Variants in MAP1B observed in about 807,000 individuals in gnomAD.
The protein encoded by MAP1B is microtubule-associated protein 1B.
In MAP1B, 12 loss-of-function variants were observed where a neutral mutation model predicts 176.1. The observed-to-expected ratio is 0.07, with a 90% CI of 0.04 to 0.11. The LOEUF (loss-of-function observed/expected upper bound fraction) is 0.11, where lower values mean the gene tolerates loss of function less well. Ranked by LOEUF, MAP1B falls within the 10% of genes least tolerant of loss-of-function variation. The pLI, the probability that MAP1B is intolerant of heterozygous loss-of-function variation, is 1.00. For synonymous variants in MAP1B, 1,044 were observed against 1,135.0 expected, an observed-to-expected ratio of 0.92 and a Z score of 1.61; for missense variants, 2,523 against 2,990.5, an observed-to-expected ratio of 0.84 and a Z score of 3.65.
rs1208003036 is a variant in MAP1B, at chr5:72,206,003, A to G, written c.*764A>G. 2 of 152,652 alleles carry G rather than the reference A, an allele frequency of 1.3e-5. No homozygotes were observed. The highest frequency in any genetic ancestry group is 2.9e-5 in the Non-Finnish European group (2 of 68,060). The allele number at this position is 152,652 out of a possible 1,614,324, so 9.5% of individuals were successfully genotyped here. On this transcript the variant is annotated 3_prime_UTR_variant, in exon 7 of 7. Coordinates refer to ENST00000296755, the MANE Select transcript of MAP1B (RefSeq NM_005909.5). ...CATGCAAGTGGTTTGGGCCCCATTC[A>G]GAACTCTCAGACTCTAAACACACAA...
intron 2 of MAP1B, among the ~76,000 whole-genome samples, chr5:72,120,637 A>G (rs1745511114): frequency 6.6e-6 from 1 of 151,924 alleles, no homozygotes; most frequent in African/African-American, 2.4e-5. Flanking sequence ...TGCATTAGCC[A>G]GGATGGTCTC....
intron 2 of MAP1B, among the ~76,000 whole-genome samples, chr5:72,131,877 C>A (rs1448912432): frequency 6.6e-6 from 1 of 152,192 alleles, no homozygotes. Context: ...GCCAACAGTA[C>A]GCAGCCTTCT....
chr5:72,120,851 A>G (rs1273525183), intron 2 of MAP1B, among the ~76,000 whole-genome samples: 4 of 152,144 alleles, frequency 2.6e-5, no homozygotes, highest in Non-Finnish European at 4.4e-5. Flanking sequence ...TTTGACTTGT[A>G]TATTTGGTGA....
In MAP1B at chr5:72,196,553, C is replaced by T; in HGVS notation, c.3198C>T (p.Thr1066=). The T allele has an allele frequency of 6.2e-7, 1 of 1,613,746 alleles. No individual in the cohort carries two copies. The highest frequency in any genetic ancestry group is 8.5e-7 in the Non-Finnish European group (1 of 1,180,028). Residue 1066 remains threonine (T), a synonymous_variant, in exon 5 of 7, where the codon ACC becomes ACT. Coordinates refer to ENST00000296755, the MANE Select transcript of MAP1B (RefSeq NM_005909.5). The surrounding 1 kb of genome is among the most constrained non-coding windows in gnomAD (Gnocchi z 5.3). The part of the protein sequence containing the change: ...GGAEEQYGFL[T]TPTKQLGAQS... ...CCGAGGAGCAGTATGGATTCCTCAC[C>T]ACACCAACCAAGCAACTAGGAGCCC... is the stretch of plus-strand genomic sequence containing the variant.
chr5:72,186,446 A>G lies in MAP1B; in HGVS notation c.370-168A>G, dbSNP rs1290183580. ...TGGATGATCCTACAGCCAGGGATCC[A>G]TTCAACCCTCCCGTGCTCTTCTGGC... On this transcript the variant is annotated intron_variant, in intron 3 of 6. Coordinates refer to ENST00000296755, the MANE Select transcript of MAP1B (RefSeq NM_005909.5). The surrounding 1 kb of genome is among the most constrained non-coding windows in gnomAD (Gnocchi z 4.3). Among the ~76,000 whole-genome samples the G allele has an allele frequency of 6.6e-6, 1 of 152,252 alleles. No homozygotes were observed. The highest frequency in any genetic ancestry group is 1.5e-5 in the Non-Finnish European group (1 of 68,048).
chr5:72,179,584 G>A, intron 2 of MAP1B: 1 of 983,866 alleles, frequency 1.0e-6, no homozygotes, highest in Non-Finnish European at 1.2e-6. Flanking sequence ...CCACGGGTAT[G>A]CCAGGGGTGG....
intron 2 of MAP1B, among the ~76,000 whole-genome samples, chr5:72,130,850 A>G (rs1327894097): frequency 6.6e-6 from 1 of 152,252 alleles, no homozygotes; most frequent in African/African-American, 2.4e-5. Flanking sequence ...GAAAAAAGTC[A>G]TTCAAATAAT....
At chr5:72,162,114 G>A (rs949088157) in intron 2 of MAP1B, among the ~76,000 whole-genome samples, 22 of 152,142 alleles carry the variant, frequency 1.4e-4, no homozygotes, top group African/African-American at 4.8e-4. Context: ...GACACATCAC[G>A]CCATGCCAGG....
intron 2 of MAP1B, among the ~76,000 whole-genome samples, chr5:72,151,014 A>G (rs2112165937): frequency 6.7e-6 from 1 of 149,892 alleles, no homozygotes; most frequent in East Asian, 2.0e-4. Context: ...CTATAAAGGA[A>G]TACCTGAGGC....
At chr5:72,173,619 A>C (rs1363722182) in intron 2 of MAP1B, among the ~76,000 whole-genome samples, 2 of 152,224 alleles carry the variant, frequency 1.3e-5, no homozygotes, top group Non-Finnish European at 2.9e-5. Flanking sequence ...TGCACAGGGC[A>C]CCTGGCACAC....
rs763700409 is a variant in MAP1B at position 72,205,069 on chromosome 5, T to C, written c.7252-15T>C. 1.5e-4 allele frequency: 233 copies of C among 1,584,956 alleles called. 1 individual carries two copies. The highest frequency in any genetic ancestry group is 2.0e-4 in the Non-Finnish European group (229 of 1,170,680). The stretch of plus-strand genomic sequence containing the variant: ...TCTGCCCTTAAATAGCTATTTTTTT[T>C]TTCTCTCCCTGCAGGTGACACTGAT... On this transcript the variant is annotated splice_polypyrimidine_tract_variant and intron_variant, in intron 6 of 6. Coordinates refer to ENST00000296755, the MANE Select transcript of MAP1B (RefSeq NM_005909.5).
At chr5:72,107,814 C>A in intron 1 of MAP1B, 99 bp downstream of exon 1, 1 of 1,232,112 alleles carries the variant, frequency 8.1e-7, no homozygotes, top group Non-Finnish European at 1.1e-6. Context: ...GCGCGCCCCG[C>A]ACCCATGCCT....
At chr5:72,185,987 C>T (rs2112216586) in intron 3 of MAP1B, among the ~76,000 whole-genome samples, 1 of 152,314 alleles carries the variant, frequency 6.6e-6, no homozygotes, top group South Asian at 2.1e-4. Context: ...AAACCATGTG[C>T]AATTATCTCA....
intron 5 of MAP1B, among the ~76,000 whole-genome samples, chr5:72,200,790 T>G (rs1747318263): frequency 1.3e-5 from 2 of 152,164 alleles, no homozygotes; most frequent in Non-Finnish European, 2.9e-5. Flanking sequence ...ACATCAAGAC[T>G]GGATCAACCA....
chr5:72,127,783 A>G (rs1270334905), intron 2 of MAP1B, among the ~76,000 whole-genome samples: 1 of 152,210 alleles, frequency 6.6e-6, no homozygotes, highest in Non-Finnish European at 1.5e-5. Context: ...AGAGTTGCCA[A>G]TAATCCCTCG....
chr5:72,166,578 G>A (rs1746433854), intron 2 of MAP1B, among the ~76,000 whole-genome samples: 2 of 152,340 alleles, frequency 1.3e-5, no homozygotes, highest in South Asian at 2.1e-4. Context: ...GGCTCTGTGA[G>A]ATAACTCCCT....
Position 72,107,584 on chromosome 5 carries a change from C to A in MAP1B, c.53C>A (p.Ala18Asp). Reference protein sequence around the residue: ...ATEPEPSGSIANPAASTSPSL... With the variant: ...ATEPEPSGSIDNPAASTSPSL... Reference sequence around the variant, plus strand: ...GAGCCGGAGCCGTCCGGCAGCATCGCCAACCCGGCGGCGTCCACCTCGCCT... The same window carrying A: ...GAGCCGGAGCCGTCCGGCAGCATCGACAACCCGGCGGCGTCCACCTCGCCT... The change falls in exon 1 of 7, where the codon GCC (alanine) becomes GAC (aspartate). Residue 18 changes from alanine (A) to aspartate (D), a missense_variant. This residue lies in a region of MAP1B where 307 missense variants were observed against 438.4 expected (regional missense o/e 0.70). Coordinates refer to ENST00000296755, the MANE Select transcript of MAP1B (RefSeq NM_005909.5). The A allele has an allele frequency of 3.8e-6, 6 of 1,592,440 alleles. No homozygotes were observed. Among genetic ancestry groups the A allele is most frequent in the Non-Finnish European group, 5.1e-6 (6 of 1,175,536 alleles).
chr5:72,166,468 C>T (rs1746431501), intron 2 of MAP1B, among the ~76,000 whole-genome samples: 1 of 152,180 alleles, frequency 6.6e-6, no homozygotes, highest in African/African-American at 2.4e-5. Flanking sequence ...GTCTAGTTCT[C>T]ACTGAACTGT....
chr5:72,193,342 C>CTTTTTTT (rs67199223), intron 4 of MAP1B: 6 of 216,488 alleles, frequency 2.8e-5, no homozygotes, highest in South Asian at 3.9e-5. Flanking sequence ...TCCATCAGGC[C>CTTTTTTT]TTTTTTTTTT....
Sources: allele counts gnomAD v4.1 joint callset (sites outside exome capture counted in the v4.1 genomes callset), GRCh38; gene constraint gnomAD v4.1.1; regional missense constraint gnomAD v4.1.1; non-coding constraint Gnocchi (gnomAD v3.1); transcripts MANE v1.5; gene names NCBI Gene and HGNC (gene_info 2026-07-23, HGNC 2026-07-21).